UNC5C: variants seen among roughly 807,000 people sequenced by gnomAD.
The protein encoded by UNC5C is unc-5 netrin receptor C, also known as netrin receptor UNC5C.
A neutral mutation model predicts 99.8 loss-of-function variants in UNC5C; 47 were observed. The ratio of observed to expected loss-of-function variants is 0.47; its 90% CI spans 0.37 to 0.60. The LOEUF is 0.60. UNC5C is among the 20% of genes least tolerant of loss of function. UNC5C has a pLI of 0.00. For missense variants in UNC5C, 1,062 were observed against 1,165.9 expected (o/e 0.91, Z 1.30); for synonymous variants, 487 against 452.2 (o/e 1.08, Z -0.98).
intron 1 of UNC5C, among the ~76,000 whole-genome samples, chr4:95,395,084 G>A (rs986206523): frequency 3.3e-5 from 5 of 152,234 alleles, no homozygotes; most frequent in South Asian, 4.1e-4. Context: ...GAAATGATAT[G>A]GTGGAGCTCT....
At chr4:95,339,616 G>A (rs1033684103) in intron 1 of UNC5C, among the ~76,000 whole-genome samples, 2 of 151,920 alleles carry the variant, frequency 1.3e-5, no homozygotes, top group African/African-American at 4.8e-5. Flanking sequence ...AGTGACATTA[G>A]GGTGATAATA....
At chr4:95,404,010 C>T (rs565889642) in intron 1 of UNC5C, among the ~76,000 whole-genome samples, 3 of 152,220 alleles carry the variant, frequency 2.0e-5, no homozygotes, top group East Asian at 3.9e-4. Flanking sequence ...CTCTAAAGGC[C>T]TGGGAGGGAA....
chr4:95,320,751 A>G (rs907785680), intron 2 of UNC5C, among the ~76,000 whole-genome samples: 4 of 152,032 alleles, frequency 2.6e-5, no homozygotes, highest in African/African-American at 9.7e-5. Flanking sequence ...ACACGATTTG[A>G]TTTTTTCTCT....
intron 1 of UNC5C, among the ~76,000 whole-genome samples, chr4:95,482,572 C>T (rs1198957204): frequency 6.7e-6 from 1 of 149,538 alleles, no homozygotes; most frequent in African/African-American, 2.5e-5. Context: ...ATGTTTATTG[C>T]TGCACTATTC....
At chr4:95,432,644 C>A (rs1168970394) in intron 1 of UNC5C, among the ~76,000 whole-genome samples, 1 of 152,014 alleles carries the variant, frequency 6.6e-6, no homozygotes, top group African/African-American at 2.4e-5. Flanking sequence ...TAGGCCAAAA[C>A]CACTCAGAAG....
At chr4:95,490,429 T>C (rs1028788943) in intron 1 of UNC5C, among the ~76,000 whole-genome samples, 3 of 151,860 alleles carry the variant, frequency 2.0e-5, no homozygotes, top group Non-Finnish European at 2.9e-5. Flanking sequence ...AAAACCCCTA[T>C]GTTAATTTAT....
intron 10 of UNC5C, among the ~76,000 whole-genome samples, chr4:95,214,813 A>T (rs1265759928): frequency 6.6e-6 from 1 of 152,240 alleles, no homozygotes; most frequent in Non-Finnish European, 1.5e-5. Context: ...AATAAAATAA[A>T]ATAAAGAGAT....
intron 7 of UNC5C, among the ~76,000 whole-genome samples, chr4:95,234,799 C>T (rs938384748): frequency 6.6e-6 from 1 of 152,174 alleles, no homozygotes; most frequent in Non-Finnish European, 1.5e-5. Context: ...TTATATGTTA[C>T]ACAGTACTTA....
intron 1 of UNC5C, among the ~76,000 whole-genome samples, chr4:95,396,655 A>G (rs946050478): frequency 6.6e-6 from 1 of 152,094 alleles, no homozygotes; most frequent in Non-Finnish European, 1.5e-5. Context: ...CTTCTGAATG[A>G]TGCCTTTCAC....
chr4:95,525,600 A>AAAAAAT (rs1442097264), intron 1 of UNC5C, among the ~76,000 whole-genome samples: 1 of 86,166 alleles, frequency 1.2e-5, no homozygotes, highest in Non-Finnish European at 3.2e-5. Flanking sequence ...ATTTCTTAAA[A>AAAAAAT]AAAAAAAAAA....
intron 10 of UNC5C, among the ~76,000 whole-genome samples, chr4:95,214,144 A>G (rs1738167909): frequency 6.6e-6 from 1 of 152,232 alleles, no homozygotes; most frequent in Non-Finnish European, 1.5e-5. Flanking sequence ...ACTATATCCT[A>G]AAGCACATTC....
intron 2 of UNC5C, among the ~76,000 whole-genome samples, chr4:95,305,448 A>G (rs2149405679): frequency 6.6e-6 from 1 of 152,270 alleles, no homozygotes; most frequent in African/African-American, 2.4e-5. Context: ...GAGATGGAAA[A>G]AGCAAACTAC....
intron 4 of UNC5C, among the ~76,000 whole-genome samples, chr4:95,269,622 T>A (rs1036536118): frequency 2.0e-5 from 3 of 152,074 alleles, no homozygotes; most frequent in African/African-American, 4.8e-5. Flanking sequence ...AGATTTTCAT[T>A]AAGAGTTCTG....
rs189426241 is a variant in UNC5C at position 95,291,068 on chromosome 4, A to G, written c.490+10538T>C. On this transcript the variant is annotated intron_variant, in intron 3 of 15. Transcript: ENST00000453304. ...ACTTTTGGGCATTTATAGGACAAAC[A>G]CATTTGTATTCAGATAGTCTTGTTA... 1.8e-3 allele frequency among the ~76,000 whole-genome samples: 275 copies of G among 152,324 alleles called. 2 individuals carry two copies. The highest frequency in any genetic ancestry group is 4.6e-3 in the Admixed American group (70 of 15,292).
At chr4:95,499,776 T>G (rs1415948511) in intron 1 of UNC5C, among the ~76,000 whole-genome samples, 3 of 152,008 alleles carry the variant, frequency 2.0e-5, no homozygotes, top group African/African-American at 7.2e-5. Flanking sequence ...TACATTGATG[T>G]CCGGTTAGAA....
chr4:95,529,702 G>C (rs1668333486), intron 1 of UNC5C, among the ~76,000 whole-genome samples: 1 of 151,882 alleles, frequency 6.6e-6, no homozygotes, highest in South Asian at 2.1e-4. Context: ...ATTTCGGCCT[G>C]AGTAACAGAG....
intron 1 of UNC5C, among the ~76,000 whole-genome samples, chr4:95,390,285 T>G (rs988982806): frequency 6.6e-6 from 1 of 152,004 alleles, no homozygotes; most frequent in Non-Finnish European, 1.5e-5. Flanking sequence ...TTGCAAGGGA[T>G]GTTTCCATTT....
At chr4:95,365,460 G>C (rs555259038) in intron 1 of UNC5C, among the ~76,000 whole-genome samples, 2 of 148,010 alleles carry the variant, frequency 1.4e-5, no homozygotes, top group Non-Finnish European at 3.0e-5. Flanking sequence ...AATATATAAT[G>C]TAAAAGATAA....
chr4:95,320,633 C>G (rs1365787945), intron 2 of UNC5C, among the ~76,000 whole-genome samples: 1 of 152,132 alleles, frequency 6.6e-6, no homozygotes, highest in African/African-American at 2.4e-5. Flanking sequence ...GCAACACAAT[C>G]ACTAATTTTG....
Sources: gnomAD v4.1 joint callset for allele counts (sites outside exome capture counted in the v4.1 genomes callset) on GRCh38, gnomAD v4.1.1 for gene constraint, MANE v1.5 for transcripts, NCBI Gene and HGNC (gene_info 2026-07-23, HGNC 2026-07-21) for gene names.